Variants in GATAD2B observed in about 807,000 individuals in gnomAD.
GATAD2B encodes the protein GATA zinc finger domain containing 2B.
GATAD2B carries 8 observed loss-of-function variants against 64.3 expected under a neutral mutation model. The observed-to-expected ratio is 0.12, with a 90% CI of 0.07 to 0.22. GATAD2B has a LOEUF of 0.22. Among genes scored for constraint, GATAD2B ranks in the 10% least tolerant of loss-of-function variants. GATAD2B has a pLI of 1.00. For synonymous variants in GATAD2B, 281 were observed against 271.3 expected, an observed-to-expected ratio of 1.04 and a Z score of -0.35; for missense variants, 453 against 752.0, an observed-to-expected ratio of 0.60 and a Z score of 4.65.
intron 10 of GATAD2B, 54 bp downstream of exon 10, chr1:153,811,677 T>C: frequency 9.5e-7 from 1 of 1,052,150 alleles, no homozygotes; most frequent in Non-Finnish European, 1.5e-6. Context: ...TACAGAACTG[T>C]ATACTAACTA....
intron 1 of GATAD2B, among the ~76,000 whole-genome samples, chr1:153,841,969 ACT>A (rs1214275680): frequency 6.6e-6 from 1 of 152,010 alleles, no homozygotes; most frequent in Non-Finnish European, 1.5e-5. Context: ...CATTTTTATT[ACT>A]GTTATTTAAT....
intron 1 of GATAD2B, among the ~76,000 whole-genome samples, chr1:153,870,595 G>A (rs781168517): frequency 4.6e-5 from 7 of 151,890 alleles, no homozygotes; most frequent in African/African-American, 7.3e-5. Context: ...AAAATCCAAA[G>A]TACTTCAAAA....
At chr1:153,887,894 G>A (rs552761449) in intron 1 of GATAD2B, among the ~76,000 whole-genome samples, 27 of 152,000 alleles carry the variant, frequency 1.8e-4, no homozygotes, top group African/African-American at 6.5e-4. Flanking sequence ...GGAAACCACC[G>A]TGGCCAACAT....
At chr1:153,859,364 CAAA>C (rs11327443) in intron 1 of GATAD2B, among the ~76,000 whole-genome samples, 5 of 140,610 alleles carry the variant, frequency 3.6e-5, no homozygotes, top group African/African-American at 7.9e-5. Context: ...GACTTCACCT[CAAA>C]AAAAAAAAAA....
At chr1:153,915,032 G>A (rs1453341642) in intron 1 of GATAD2B, among the ~76,000 whole-genome samples, 1 of 152,234 alleles carries the variant, frequency 6.6e-6, no homozygotes. Context: ...AGACCAGCCT[G>A]GCCAACATGG....
chr1:153,813,229 G>A (rs1160276110), intron 8 of GATAD2B, 21 bp downstream of exon 8: 1 of 1,598,732 alleles, frequency 6.3e-7, no homozygotes, highest in Non-Finnish European at 8.6e-7. Context: ...CAGGTGGCCA[G>A]TGAGCAGTCA....
chr1:153,909,570 G>A (rs989037485), intron 1 of GATAD2B, among the ~76,000 whole-genome samples: 2 of 151,578 alleles, frequency 1.3e-5, no homozygotes, highest in African/African-American at 2.4e-5. Context: ...GGGAAGCCAC[G>A]GCAGGCAGAT....
intron 1 of GATAD2B, among the ~76,000 whole-genome samples, chr1:153,882,850 T>C (rs886997917): frequency 3.3e-5 from 5 of 152,182 alleles, no homozygotes; most frequent in South Asian, 4.1e-4. Flanking sequence ...AATCATTTTA[T>C]AAGGACTTTT....
chr1:153,818,624 GT>G (rs1373396578), intron 4 of GATAD2B, among the ~76,000 whole-genome samples, 166 bp downstream of exon 4: 1 of 151,756 alleles, frequency 6.6e-6, no homozygotes, highest in Non-Finnish European at 1.5e-5. Context: ...GGGAGTCAAG[GT>G]TTTCTTAAGG....
chr1:153,829,652 C>T (rs1009073268), intron 1 of GATAD2B, among the ~76,000 whole-genome samples: 2 of 152,084 alleles, frequency 1.3e-5, no homozygotes, highest in Non-Finnish European at 2.9e-5. Context: ...CAAAGAATTG[C>T]TTGAACCCAG....
chr1:153,851,335 T>C (rs1426326079), intron 1 of GATAD2B, among the ~76,000 whole-genome samples: 1 of 152,248 alleles, frequency 6.6e-6, no homozygotes, highest in African/African-American at 2.4e-5. Context: ...CTGGTAGTTC[T>C]ATATTTAATA....
intron 2 of GATAD2B, among the ~76,000 whole-genome samples, chr1:153,822,134 T>C (rs898515907): frequency 4.6e-5 from 7 of 151,776 alleles, no homozygotes; most frequent in Admixed American, 2.0e-4. Flanking sequence ...TGAGCCGAGA[T>C]TGCACCACTA....
chr1:153,813,752 C>T (rs868649784), intron 7 of GATAD2B, among the ~76,000 whole-genome samples: 2 of 152,048 alleles, frequency 1.3e-5, no homozygotes, highest in African/African-American at 2.4e-5. Flanking sequence ...CTGAGGTGGA[C>T]GGCTAACGAG....
At position 153,812,214 on chromosome 1, in the gene GATAD2B, G is replaced by A. The variant is rs201429153; in HGVS notation, c.1420-82C>T. 20 of 726,808 alleles carry A rather than the reference G, an allele frequency of 2.8e-5. No homozygotes were observed. In the East Asian group the frequency reaches 5.1e-4, roughly 19 times the overall value. The allele number at this position is 726,808 out of a possible 1,614,324, so 45.0% of individuals were successfully genotyped here. On this transcript the variant is annotated intron_variant, in intron 8 of 10. Coordinates refer to ENST00000368655, the MANE Select transcript of GATAD2B (RefSeq NM_020699.4). ...CCTTTTTTTTTTTTTTTTTTAAACA[G>A]AGACACAATCTGACTTTGTTGCCCA...
chr1:153,865,476 A>T (rs534306435), intron 1 of GATAD2B, among the ~76,000 whole-genome samples: 95 of 151,940 alleles, frequency 6.3e-4, no homozygotes, highest in East Asian at 3.9e-4. Flanking sequence ...CAAATAATTT[A>T]AAAAAAAATC....
chr1:153,883,929 TA>T (rs1203704869), intron 1 of GATAD2B, among the ~76,000 whole-genome samples: 5 of 152,166 alleles, frequency 3.3e-5, no homozygotes, highest in African/African-American at 1.2e-4. Flanking sequence ...GCAGAGACCC[TA>T]CTCTTTTCAG....
chr1:153,816,412 C>T lies in GATAD2B; in HGVS notation c.1077G>A (p.Gln359=), dbSNP rs781105682. ...QAAAKLALRK[Q]LEKTLLEIPP... ...GGATCTCCAGGAGTGTCTTTTCCAG[C>T]TGTTTGCGAAGAGCCAATTTGGCTG... Residue 359 remains glutamine (Q), a synonymous_variant, in exon 7 of 11, where the codon CAG becomes CAA. Transcript: ENST00000368655. This position sits in a 1 kb window ranked among gnomAD's most constrained non-coding sequence, Gnocchi z 4.9. 3 of 1,614,192 alleles carry T rather than the reference C, an allele frequency of 1.9e-6. No homozygotes were observed. Among genetic ancestry groups the T allele is most frequent in the Admixed American group, 1.7e-5 (1 of 60,028 alleles).
intron 1 of GATAD2B, among the ~76,000 whole-genome samples, chr1:153,851,027 G>A (rs1235851298): frequency 1.3e-5 from 2 of 152,014 alleles, no homozygotes; most frequent in Middle Eastern, 3.4e-3. Flanking sequence ...TTGACTATAG[G>A]TACAGTGTTG....
intron 1 of GATAD2B, among the ~76,000 whole-genome samples, chr1:153,898,702 T>C (rs1281417294): frequency 1.3e-5 from 2 of 152,250 alleles, no homozygotes; most frequent in Non-Finnish European, 2.9e-5. Context: ...CAGTAAGTTC[T>C]AAATTCATTG....
Sources: allele counts gnomAD v4.1 joint callset (sites outside exome capture counted in the v4.1 genomes callset), GRCh38; gene constraint gnomAD v4.1.1; non-coding constraint Gnocchi (gnomAD v3.1); transcripts MANE v1.5; gene names NCBI Gene and HGNC (gene_info 2026-07-23, HGNC 2026-07-21).